Variants in HMGA2 observed in about 807,000 individuals in gnomAD.
HMGA2 encodes high mobility group AT-hook 2.
A neutral mutation model predicts 19.1 loss-of-function variants in HMGA2; 8 were observed. That is an observed-to-expected ratio of 0.42 (90% CI 0.25 to 0.76). The LOEUF (loss-of-function observed/expected upper bound fraction) is 0.76. Ranked by LOEUF, HMGA2 falls within the 30% of genes least tolerant of loss-of-function variation. HMGA2 has a pLI of 0.28. For synonymous variants in HMGA2, 60 were observed against 48.8 expected (o/e 1.23, Z -0.96); for missense variants, 109 against 136.3 (o/e 0.80, Z 1.00).
chr12:65,852,797 G>C (rs922646666), intron 3 of HMGA2, among the ~76,000 whole-genome samples: 2 of 152,168 alleles, frequency 1.3e-5, no homozygotes, highest in African/African-American at 4.8e-5. Context: ...GTTGGGTGAG[G>C]TTAAGAGAGT....
intron 3 of HMGA2, 62 bp from the exon 4 acceptor site, chr12:65,951,321 A>T: frequency 9.9e-7 from 1 of 1,009,972 alleles, no homozygotes; most frequent in Non-Finnish European, 1.5e-6. Flanking sequence ...AAATATGTAC[A>T]CCTAATTTTT....
intron 3 of HMGA2, among the ~76,000 whole-genome samples, chr12:65,876,119 G>C (rs1224979046): frequency 1.3e-5 from 2 of 151,868 alleles, no homozygotes; most frequent in East Asian, 3.9e-4. Context: ...TGGTTATATA[G>C]GAATGTAGTA....
At chr12:65,845,267 T>C (rs1871184748) in intron 3 of HMGA2, among the ~76,000 whole-genome samples, 1 of 152,112 alleles carries the variant, frequency 6.6e-6, no homozygotes, top group Non-Finnish European at 1.5e-5. Flanking sequence ...GTTTTTGTTT[T>C]GTTTCGTTTT....
At chr12:65,861,577 G>A (rs1031466583) in intron 3 of HMGA2, among the ~76,000 whole-genome samples, 2 of 148,608 alleles carry the variant, frequency 1.3e-5, no homozygotes, top group African/African-American at 5.0e-5. Flanking sequence ...ATATTGCATT[G>A]GTAGTTTCAT....
chr12:65,937,971 C>CCT (rs1270153815), intron 3 of HMGA2, among the ~76,000 whole-genome samples: 2 of 152,132 alleles, frequency 1.3e-5, no homozygotes, highest in African/African-American at 4.8e-5. Context: ...AGAAAGTGAC[C>CCT]CTCTCCATGG....
chr12:65,884,112 C>T (rs1873559338), intron 3 of HMGA2, among the ~76,000 whole-genome samples: 1 of 152,136 alleles, frequency 6.6e-6, no homozygotes, highest in African/African-American at 2.4e-5. Context: ...GTGATCCACC[C>T]ACCTCGGCCT....
Position 65,828,107 on chromosome 12 carries a change from G to A in HMGA2, c.198+20G>A. On this transcript the variant is annotated intron_variant, in intron 2 of 4. Coordinates refer to ENST00000403681, the MANE Select transcript of HMGA2 (RefSeq NM_003483.6). ...CAAAAGGTGAGATTTCTCAAGTCAA[G>A]CTCTCCTAACTTCATCAATGACTGA... 6.4e-7 allele frequency: 1 copy of A among 1,570,670 alleles called. No homozygotes were observed.
Position 65,963,699 on chromosome 12 carries a change from G to A in HMGA2, c.*407G>A, listed in dbSNP as rs991255454. 2.7e-6 allele frequency: 1 copy of A among 366,342 alleles called. No homozygotes were observed. The highest frequency in any genetic ancestry group is 2.1e-5 in the African/African-American group (1 of 48,056). The allele number at this position is 366,342 out of a possible 1,614,324, so 22.7% of individuals were successfully genotyped here. A position where few individuals can be genotyped will look rare whatever the true frequency, so the allele number is the denominator to read the frequency against. ...TGCAAACAAGAAACGTGTCACACTT[G>A]TGACGTCGGGCATTCATATAGGAAG... On this transcript the variant is annotated 3_prime_UTR_variant, in exon 5 of 5. Coordinates refer to ENST00000403681, the MANE Select transcript of HMGA2 (RefSeq NM_003483.6).
At chr12:65,867,752 T>A in intron 3 of HMGA2, 2 of 235,692 alleles carry the variant, frequency 8.5e-6, no homozygotes, top group Non-Finnish European at 1.8e-5. Context: ...AAGATCTGAA[T>A]TAACGTATTA....
intron 3 of HMGA2, among the ~76,000 whole-genome samples, chr12:65,936,994 G>A (rs1421421481): frequency 6.6e-6 from 1 of 152,158 alleles, no homozygotes; most frequent in Non-Finnish European, 1.5e-5. Context: ...AGCCCAGTGA[G>A]TTATTTGGAG....
chr12:65,829,610 T>C (rs879913339), intron 2 of HMGA2, among the ~76,000 whole-genome samples: 6 of 152,054 alleles, frequency 3.9e-5, no homozygotes, highest in Non-Finnish European at 5.9e-5. Flanking sequence ...AAACACATCA[T>C]GATAATATCT....
chr12:65,959,928 C>T (rs775759840), intron 4 of HMGA2, among the ~76,000 whole-genome samples: 2 of 151,972 alleles, frequency 1.3e-5, no homozygotes, highest in Non-Finnish European at 2.9e-5. Flanking sequence ...CTTGCTCTGT[C>T]GCCCAGGCTG....
chr12:65,894,568 GC>G (rs1263334799), intron 3 of HMGA2, among the ~76,000 whole-genome samples: 11 of 152,144 alleles, frequency 7.2e-5, no homozygotes, highest in Non-Finnish European at 1.5e-4. Context: ...TAATAATAAA[GC>G]TTTTTCAGTC....
At chr12:65,847,878 T>G (rs1001513658) in intron 3 of HMGA2, among the ~76,000 whole-genome samples, 19 of 152,212 alleles carry the variant, frequency 1.2e-4, no homozygotes, top group African/African-American at 4.3e-4. Context: ...GGCCTTTGAA[T>G]TTTTGTTTTC....
intron 3 of HMGA2, among the ~76,000 whole-genome samples, chr12:65,928,263 A>G (rs1875584558): frequency 6.6e-6 from 1 of 151,886 alleles, no homozygotes; most frequent in Non-Finnish European, 1.5e-5. Context: ...ATATCTAAAC[A>G]TAGAAAAGGT....
intron 3 of HMGA2, among the ~76,000 whole-genome samples, chr12:65,907,375 A>C (rs181673223): frequency 1.0e-3 from 142 of 140,260 alleles, no homozygotes; most frequent in Non-Finnish European, 1.5e-3. Context: ...ATGCCACTAC[A>C]CTCCAGCCTG....
intron 2 of HMGA2, among the ~76,000 whole-genome samples, chr12:65,837,658 T>C (rs1297484196): frequency 6.6e-6 from 1 of 152,138 alleles, no homozygotes; most frequent in Non-Finnish European, 1.5e-5. Context: ...TGTATGAAGA[T>C]TGGACTAGGG....
rs975750065 is a variant in HMGA2, at chr12:65,964,673, T to G, written c.*1381T>G. ...TCATCTGCAGTTCTTTTTGTACACTTAATTACAGTTAAAGAAGCAATCTCC... is the reference window on the plus strand; with the variant it reads ...TCATCTGCAGTTCTTTTTGTACACTGAATTACAGTTAAAGAAGCAATCTCC... On this transcript the variant is annotated 3_prime_UTR_variant, in exon 5 of 5. Coordinates refer to ENST00000403681, the MANE Select transcript of HMGA2 (RefSeq NM_003483.6). 2 of 206,356 alleles carry G rather than the reference T, an allele frequency of 9.7e-6. No individual in the cohort carries two copies. The highest frequency in any genetic ancestry group is 2.0e-5 in the Non-Finnish European group (2 of 100,998). 12.8% of individuals were successfully genotyped at this position (206,356 alleles called of 1,614,324 possible).
intron 4 of HMGA2, chr12:65,952,232 A>G (rs996822149): frequency 1.9e-5 from 13 of 672,828 alleles, no homozygotes; most frequent in Non-Finnish European, 3.1e-5. Flanking sequence ...ACCTGCTAAA[A>G]TAAGTAGTAA....
Sources: gnomAD v4.1 joint callset for allele counts (sites outside exome capture counted in the v4.1 genomes callset) on GRCh38, gnomAD v4.1.1 for gene constraint, MANE v1.5 for transcripts, NCBI Gene and HGNC (gene_info 2026-07-23, HGNC 2026-07-21) for gene names.